Variants in DNAJC27 observed in about 807,000 individuals in gnomAD.
DNAJC27 encodes DnaJ heat shock protein family (Hsp40) member C27, also known as dnaJ homolog subfamily C member 27.
In DNAJC27, 25 loss-of-function variants were observed where a neutral mutation model predicts 31.4. The observed-to-expected ratio is 0.80, with a 90% CI of 0.58 to 1.11. The LOEUF (loss-of-function observed/expected upper bound fraction) is 1.11. DNAJC27 is among the 50% of genes most tolerant of loss of function. The pLI is 0.00. For synonymous variants in DNAJC27, 106 were observed against 112.7 expected, an observed-to-expected ratio of 0.94 and a Z score of 0.37; for missense variants, 356 against 347.3, an observed-to-expected ratio of 1.02 and a Z score of -0.20.
chr2:24,971,830 G>A lies in DNAJC27; in HGVS notation c.75C>T (p.Ala25=), dbSNP rs1338885981. 3 of 1,608,866 alleles carry A rather than the reference G, an allele frequency of 1.9e-6. No homozygotes were observed. Among genetic ancestry groups the A allele is most frequent in the Middle Eastern group, 1.6e-4 (1 of 6,070 alleles). Residue 25 remains alanine (A), a synonymous_variant, in exon 1 of 7, where the codon GCC becomes GCT. Coordinates refer to ENST00000264711, the MANE Select transcript of DNAJC27 (RefSeq NM_016544.3). ...TCGCTGTACTCACTTTCCCCACTTC[G>A]GCGTTGCCCATGGAGATGACTTTGA... ...LRIKVISMGN[A]EVGKSCIIKR... is the part of the protein sequence containing the mutation.
chr2:24,954,350 C>T (rs1665853592), intron 5 of DNAJC27, among the ~76,000 whole-genome samples: 1 of 152,106 alleles, frequency 6.6e-6, no homozygotes, highest in Non-Finnish European at 1.5e-5. Context: ...ATTGCCTTAA[C>T]CCCTCATTAA....
chr2:24,965,075 A>G (rs62140616), intron 2 of DNAJC27, among the ~76,000 whole-genome samples: 6,607 of 151,478 alleles, frequency 0.044, 188 homozygotes, highest in Non-Finnish European at 0.061. Flanking sequence ...GCGTGGTGAC[A>G]TGTGCCTGTA....
chr2:24,963,415 A>G lies in DNAJC27; in HGVS notation c.230T>C (p.Phe77Ser). 1 of 1,613,688 alleles carries G rather than the reference A, an allele frequency of 6.2e-7. No individual in the cohort carries two copies. Among genetic ancestry groups the G allele is most frequent in the Non-Finnish European group, 8.5e-7 (1 of 1,179,704 alleles). ...VNIFDMAGHP[F>S]FYEVRNEFYK... ...AAAAGGCTTTCTTACCTCATAGAAG[A>G]AGGGATGTCCAGCCATATCAAAGAT... is the stretch of plus-strand genomic sequence containing the variant. The change falls in exon 3 of 7, where the codon TTC becomes TCC. Residue 77 changes from phenylalanine (F) to serine (S), a missense_variant. Phe to Ser is a radical substitution (Grantham distance 155). Transcript: ENST00000264711.
chr2:24,958,522 C>A, intron 3 of DNAJC27: 2 of 364,668 alleles, frequency 5.5e-6, no homozygotes, highest in Non-Finnish European at 1.2e-5. Context: ...TGGAGTCAGA[C>A]AGATCTGGGT....
At position 24,957,723 on chromosome 2, in the gene DNAJC27, G is replaced by A. The variant is rs575315394; in HGVS notation, c.405+87C>T. On this transcript the variant is annotated intron_variant, in intron 4 of 6. Transcript: ENST00000264711. The stretch of plus-strand genomic sequence containing the variant: ...TATTGATTTCCATATTACACAATAA[G>A]GAATTTTTCTTTTCTTTTTGTTTCC... 54 of 1,253,626 alleles carry A rather than the reference G, an allele frequency of 4.3e-5. No individual in the cohort carries two copies. In the Admixed American group the frequency reaches 7.0e-4, roughly 16 times the overall value. The allele number at this position is 1,253,626 out of a possible 1,614,324, so 77.7% of individuals were successfully genotyped here. A position where few individuals can be genotyped will look rare whatever the true frequency, so the allele number is the denominator to read the frequency against.
At position 24,947,622 on chromosome 2, in the gene DNAJC27, G is replaced by C. The variant is rs759151161; in HGVS notation, c.816C>G (p.Ile272Met). The stretch of plus-strand genomic sequence containing the variant: ...TGGCTTTTTTCTGTACTTTCTACTT[G>C]ATGTTTTTCAGGAGGGCTGTCCGAG... Reference protein sequence around the residue: ...VNARTALLKNIK With the variant: ...VNARTALLKNMK Residue 272 changes from isoleucine (I) to methionine (M), a missense_variant, in exon 7 of 7, where the codon ATC becomes ATG. Coordinates refer to ENST00000264711, the MANE Select transcript of DNAJC27 (RefSeq NM_016544.3). 6.2e-7 allele frequency: 1 copy of C among 1,602,924 alleles called. No homozygotes were observed. Among genetic ancestry groups the C allele is most frequent in the Non-Finnish European group, 8.5e-7 (1 of 1,171,386 alleles).
chr2:24,947,476 G>A lies in DNAJC27; in HGVS notation c.*140C>T, dbSNP rs1665674666. The A allele has an allele frequency of 1.9e-6, 2 of 1,051,328 alleles. No individual in the cohort carries two copies. Among genetic ancestry groups the A allele is most frequent in the East Asian group, 4.8e-5 (2 of 41,724 alleles). The allele number at this position is 1,051,328 out of a possible 1,614,324, so 65.1% of individuals were successfully genotyped here. A position where few individuals can be genotyped will look rare whatever the true frequency, so the allele number is the denominator to read the frequency against. On this transcript the variant is annotated 3_prime_UTR_variant, in exon 7 of 7. Transcript: ENST00000264711. ...TAAAATGTCTATGAAATGGGTACCT[G>A]AATTACTGATATACAAATGACAACA...
chr2:24,971,853 T>C lies in DNAJC27; in HGVS notation c.52A>G (p.Lys18Glu). Residue 18 changes from lysine to glutamate, a missense_variant, in exon 1 of 7, where the codon AAA becomes GAA. Physicochemically the swap from Lys to Glu is moderately conservative, Grantham distance 56. Coordinates refer to ENST00000264711, the MANE Select transcript of DNAJC27 (RefSeq NM_016544.3). Reference protein sequence around the residue: ...RKEPGRSLRIKVISMGNAEVG... With the variant: ...RKEPGRSLRIEVISMGNAEVG... ...TCGGCGTTGCCCATGGAGATGACTT[T>C]GATGCGGAGAGACCTGCCGGGCTCC... is the stretch of plus-strand genomic sequence containing the variant. 2 of 1,609,454 alleles carry C rather than the reference T, an allele frequency of 1.2e-6. No homozygotes were observed. Among genetic ancestry groups the C allele is most frequent in the Non-Finnish European group, 1.7e-6 (2 of 1,178,310 alleles).
chr2:24,961,124 T>C (rs1666029333), intron 3 of DNAJC27, among the ~76,000 whole-genome samples: 1 of 152,238 alleles, frequency 6.6e-6, no homozygotes, highest in Non-Finnish European at 1.5e-5. Context: ...ACGGGCTATA[T>C]GAGCTGATGC....
chr2:24,959,118 C>G lies in DNAJC27; in HGVS notation c.241-1144G>C, dbSNP rs75153321. ...AGATGATGAAGCCCACCAGTCCTTT[C>G]CCTCAGTACTCATGGTCCTTGGCCC... On this transcript the variant is annotated intron_variant, in intron 3 of 6. Coordinates refer to ENST00000264711, the MANE Select transcript of DNAJC27 (RefSeq NM_016544.3). 9.2e-5 allele frequency among the ~76,000 whole-genome samples: 14 copies of G among 152,304 alleles called. No homozygotes were observed. The East Asian group carries it at 2.7e-3, about 29-fold the overall frequency.
At chr2:24,951,960 C>G (rs1010506400) in intron 5 of DNAJC27, among the ~76,000 whole-genome samples, 1 of 151,958 alleles carries the variant, frequency 6.6e-6, no homozygotes, top group Non-Finnish European at 1.5e-5. Context: ...ACAAAAAATA[C>G]AAAAATTACC....
intron 5 of DNAJC27, among the ~76,000 whole-genome samples, chr2:24,955,330 G>A (rs1231783744): frequency 6.6e-6 from 1 of 152,132 alleles, no homozygotes; most frequent in Non-Finnish European, 1.5e-5. Context: ...TGTCAGTGGT[G>A]AAGTCAAATC....
intron 3 of DNAJC27, among the ~76,000 whole-genome samples, chr2:24,958,379 T>G (rs1665959038): frequency 6.6e-6 from 1 of 152,214 alleles, no homozygotes; most frequent in Non-Finnish European, 1.5e-5. Flanking sequence ...TACAGCCATT[T>G]ATAAATCACA....
chr2:24,949,588 A>G (rs1386093356), intron 6 of DNAJC27, among the ~76,000 whole-genome samples: 2 of 152,226 alleles, frequency 1.3e-5, no homozygotes, highest in African/African-American at 4.8e-5. Flanking sequence ...GCTTTTTCCC[A>G]AATGTACTTA....
At chr2:24,955,180 G>T (rs1237292867) in intron 5 of DNAJC27, among the ~76,000 whole-genome samples, 2 of 152,166 alleles carry the variant, frequency 1.3e-5, no homozygotes, top group African/African-American at 2.4e-5. Context: ...AAGAGGTAAA[G>T]AAAAATACAT....
intron 3 of DNAJC27, among the ~76,000 whole-genome samples, chr2:24,960,106 T>C (rs1666004974): frequency 6.6e-6 from 1 of 152,234 alleles, no homozygotes; most frequent in Non-Finnish European, 1.5e-5. Context: ...AGCAAGTCTA[T>C]TGATGCCATT....
At chr2:24,948,426 A>G (rs543197432) in intron 6 of DNAJC27, among the ~76,000 whole-genome samples, 15 of 152,310 alleles carry the variant, frequency 9.8e-5, no homozygotes, top group African/African-American at 3.6e-4. Flanking sequence ...GAAGATGAAA[A>G]GAAAGGGGCT....
At chr2:24,963,970 T>G (rs558791678) in intron 2 of DNAJC27, among the ~76,000 whole-genome samples, 1 of 152,364 alleles carries the variant, frequency 6.6e-6, no homozygotes, top group East Asian at 1.9e-4. Context: ...ATAGTGAATT[T>G]GTTTTCAGAT....
chr2:24,968,577 C>T (rs1486693439), intron 1 of DNAJC27, among the ~76,000 whole-genome samples: 3 of 151,698 alleles, frequency 2.0e-5, no homozygotes, highest in Non-Finnish European at 2.9e-5. Flanking sequence ...GATCTGACCC[C>T]GTGAACCGCC....
Sources: gnomAD v4.1 joint callset for allele counts (sites outside exome capture counted in the v4.1 genomes callset) on GRCh38, gnomAD v4.1.1 for gene constraint, MANE v1.5 for transcripts, NCBI Gene and HGNC (gene_info 2026-07-23, HGNC 2026-07-21) for gene names.